The following PSMA8 variants were observed in gnomAD, a reference collection of about 807,000 sequenced individuals.
The protein encoded by PSMA8 is proteasome 20S subunit alpha 8.
Under a neutral mutation model 32.4 loss-of-function variants are expected in PSMA8, and 18 were observed. That is an observed-to-expected ratio of 0.56 (90% CI 0.38 to 0.82). The LOEUF (loss-of-function observed/expected upper bound fraction) is 0.82, where lower values mean the gene tolerates loss of function less well. Among genes scored for constraint, PSMA8 ranks in the 40% least tolerant of loss-of-function variants. The probability of loss-of-function intolerance (pLI) is 0.00; values close to 1 mark genes in which losing one functional copy is unlikely to be tolerated. For synonymous variants in PSMA8, 104 were observed against 98.1 expected (o/e 1.06, Z -0.36); for missense variants, 298 against 300.7 (o/e 0.99, Z 0.07).
At chr18:26,171,072 A>T in intron 4 of PSMA8, 1 of 1,558,960 alleles carries the variant, frequency 6.4e-7, no homozygotes, top group East Asian at 2.4e-5. Context: ...AACTAAATTA[A>T]TTCTACCCTT....
intron 4 of PSMA8, among the ~76,000 whole-genome samples, chr18:26,175,555 T>C (rs1568067692): frequency 6.6e-6 from 1 of 152,190 alleles, no homozygotes; most frequent in East Asian, 1.9e-4. Flanking sequence ...GAGCTCTTGT[T>C]AACCAGGGAA....
chr18:26,179,203 C>T (rs1243547932), intron 6 of PSMA8, 73 bp downstream of exon 6: 4 of 1,135,546 alleles, frequency 3.5e-6, no homozygotes, highest in Non-Finnish European at 5.2e-6. Context: ...AAGTTGTTGG[C>T]CTCTAGGCTT....
intron 1 of PSMA8, among the ~76,000 whole-genome samples, chr18:26,144,006 G>A (rs1330142914): frequency 6.6e-6 from 1 of 152,138 alleles, no homozygotes; most frequent in Non-Finnish European, 1.5e-5. Context: ...ATAGTGCTGT[G>A]AGCCACCGTG....
chr18:26,154,008 G>A (rs1288024593), intron 3 of PSMA8, among the ~76,000 whole-genome samples: 1 of 152,040 alleles, frequency 6.6e-6, no homozygotes, highest in Non-Finnish European at 1.5e-5. Flanking sequence ...TTCAAGCAAT[G>A]CTTATACCCC....
At chr18:26,161,110 T>C (rs948232244) in intron 4 of PSMA8, among the ~76,000 whole-genome samples, 6 of 152,296 alleles carry the variant, frequency 3.9e-5, no homozygotes, top group Middle Eastern at 3.4e-3. Flanking sequence ...AATGGCCAAG[T>C]GGCAATCTCA....
chr18:26,153,913 A>G (rs1463278830), intron 3 of PSMA8, among the ~76,000 whole-genome samples: 1 of 151,408 alleles, frequency 6.6e-6, no homozygotes, highest in Non-Finnish European at 1.5e-5. Flanking sequence ...TTATTTTTTT[A>G]TTTTTTGAGA....
intron 4 of PSMA8, among the ~76,000 whole-genome samples, chr18:26,158,567 CCTT>C (rs1182028480): frequency 9.2e-5 from 14 of 152,092 alleles, no homozygotes; most frequent in African/African-American, 2.7e-4. Flanking sequence ...CAGAAATAGT[CCTT>C]CTTCTTTTAA....
chr18:26,145,351 C>T (rs1003964705), intron 2 of PSMA8, among the ~76,000 whole-genome samples: 28 of 152,096 alleles, frequency 1.8e-4, no homozygotes, highest in East Asian at 5.8e-4. Context: ...CTCCTGACCT[C>T]GGGTGATCCA....
chr18:26,162,548 T>C (rs1189899820), intron 4 of PSMA8, among the ~76,000 whole-genome samples: 1 of 152,174 alleles, frequency 6.6e-6, no homozygotes, highest in African/African-American at 2.4e-5. Flanking sequence ...ATTATTAACA[T>C]TTTTAATGCA....
At chr18:26,134,388 T>C (rs1472853186) in intron 1 of PSMA8, among the ~76,000 whole-genome samples, 1 of 148,868 alleles carries the variant, frequency 6.7e-6, no homozygotes, top group Admixed American at 6.6e-5. Flanking sequence ...TGTGTGTGTG[T>C]AGGGACGTTA....
At position 26,140,067 on chromosome 18, in the gene PSMA8, A is replaced by C. The variant is rs1198739141; in HGVS notation, c.103-4492A>C. On this transcript the variant is annotated intron_variant, in intron 1 of 6. Transcript: ENST00000415576. ...TAGTATCATGTTTCTCTGATTGTTC[A>C]CGATTCTTGTGGCCTGGCATGGATG... 7.1e-6 allele frequency: 5 copies of C among 702,974 alleles called. No homozygotes were observed. The Admixed American group carries it at 1.0e-4, about 14-fold the overall frequency. The allele number at this position is 702,974 out of a possible 1,614,324, so 43.5% of individuals were successfully genotyped here.
At chr18:26,188,077 C>T (rs893709855) in intron 6 of PSMA8, among the ~76,000 whole-genome samples, 1 of 151,684 alleles carries the variant, frequency 6.6e-6, no homozygotes, top group Non-Finnish European at 1.5e-5. Flanking sequence ...GAAATAATAT[C>T]AAGCATCATC....
intron 4 of PSMA8, chr18:26,171,318 G>T: frequency 6.7e-7 from 1 of 1,485,090 alleles, no homozygotes; most frequent in Non-Finnish European, 8.9e-7. Flanking sequence ...GAGCCCGCTC[G>T]TTACAGCAGA....
chr18:26,137,661 G>A (rs2054923561), intron 1 of PSMA8, among the ~76,000 whole-genome samples: 1 of 151,764 alleles, frequency 6.6e-6, no homozygotes, highest in Admixed American at 6.6e-5. Context: ...AGACATTTTT[G>A]TTGAATACTT....
chr18:26,142,265 T>A (rs1019102623), intron 1 of PSMA8, among the ~76,000 whole-genome samples: 3 of 152,062 alleles, frequency 2.0e-5, no homozygotes, highest in Admixed American at 1.3e-4. Flanking sequence ...GGTCTCTATC[T>A]CCTGACCTCG....
chr18:26,134,045 C>T lies in PSMA8; in HGVS notation c.80C>T (p.Ala27Val), dbSNP rs561474707. 6.8e-6 allele frequency: 11 copies of T among 1,613,526 alleles called. No homozygotes were observed. Among genetic ancestry groups the T allele is most frequent in the Non-Finnish European group, 9.3e-6 (11 of 1,179,546 alleles). ...TTTCAAGTTGAATATGCCCAGGAAGCGGTGAAGAAAGGATCCACCGCGGTG... is the reference window on the plus strand; with the variant it reads ...TTTCAAGTTGAATATGCCCAGGAAGTGGTGAAGAAAGGATCCACCGCGGTG... ...HLFQVEYAQE[A>V]VKKGSTAVGI... The change falls in exon 1 of 7, where the codon GCG becomes GTG. Residue 27 changes from alanine to valine, a missense_variant. Ala to Val is a moderately conservative substitution (Grantham distance 64). Transcript: ENST00000415576.
intron 2 of PSMA8, among the ~76,000 whole-genome samples, chr18:26,150,340 C>CT (rs1358588841): frequency 0.045 from 6,481 of 143,710 alleles, 462 homozygotes; most frequent in African/African-American, 0.15. Flanking sequence ...AATTTGATTC[C>CT]TTTTTTTTTT....
In PSMA8 at chr18:26,192,396, A is replaced by G; in HGVS notation, c.738A>G (p.Ser246=). ...AGGAAGAAGCAGAGAAGAAAAAATC[A>G]AAGAAATCTGTCTAATTCTTAGGAT... ...KEKEEAEKKK[S]KKSV The change falls in exon 7 of 7, where the codon TCA becomes TCG. Residue 246 remains serine (S), a synonymous_variant. Coordinates refer to ENST00000415576, the MANE Select transcript of PSMA8 (RefSeq NM_001025096.2). 6.5e-7 allele frequency: 1 copy of G among 1,532,994 alleles called. No individual in the cohort carries two copies. Among genetic ancestry groups the G allele is most frequent in the Non-Finnish European group, 8.7e-7 (1 of 1,152,536 alleles). 95.0% of individuals were successfully genotyped at this position (1,532,994 alleles called of 1,614,324 possible).
At chr18:26,168,000 A>G (rs1230031914) in intron 4 of PSMA8, among the ~76,000 whole-genome samples, 2 of 117,442 alleles carry the variant, frequency 1.7e-5, no homozygotes, top group Non-Finnish European at 3.1e-5. Flanking sequence ...TTCCAGAGGC[A>G]AATACTTTTC....
Sources: gnomAD v4.1 joint callset for allele counts (sites outside exome capture counted in the v4.1 genomes callset) on GRCh38, gnomAD v4.1.1 for gene constraint, MANE v1.5 for transcripts, NCBI Gene and HGNC (gene_info 2026-07-23, HGNC 2026-07-21) for gene names.